Variants in LMBR1 observed in about 807,000 individuals in gnomAD.
LMBR1 encodes limb development membrane protein 1, also known as limb region 1 protein homolog.
Under a neutral mutation model 73.9 loss-of-function variants are expected in LMBR1, and 52 were observed. That is an observed-to-expected ratio of 0.70 (90% CI 0.56 to 0.89). The LOEUF is 0.89. LMBR1 is among the 40% of genes least tolerant of loss of function. The pLI is 0.00. For synonymous variants in LMBR1, 215 were observed against 209.4 expected (o/e 1.03, Z -0.23); for missense variants, 539 against 579.8 (o/e 0.93, Z 0.72).
At chr7:156,834,304 T>C (rs1170057007) in intron 2 of LMBR1, among the ~76,000 whole-genome samples, 1 of 152,168 alleles carries the variant, frequency 6.6e-6, no homozygotes, top group Non-Finnish European at 1.5e-5. Context: ...ATAATTATTG[T>C]TACAAACAGA....
intron 9 of LMBR1, among the ~76,000 whole-genome samples, chr7:156,745,356 C>A (rs1388568949): frequency 2.6e-5 from 4 of 152,128 alleles, no homozygotes; most frequent in Non-Finnish European, 4.4e-5. Context: ...TTCACTGAAC[C>A]TTAAACAACT....
intron 5 of LMBR1, among the ~76,000 whole-genome samples, chr7:156,781,978 A>G (rs1237796383): frequency 6.6e-6 from 1 of 152,222 alleles, no homozygotes; most frequent in Admixed American, 6.5e-5. Flanking sequence ...CCATTAAACA[A>G]TAACTTCCCC....
At chr7:156,871,562 G>A (rs1378525302) in intron 1 of LMBR1, among the ~76,000 whole-genome samples, 2 of 152,184 alleles carry the variant, frequency 1.3e-5, no homozygotes, top group Admixed American at 1.3e-4. Context: ...GTTGCTCACT[G>A]AATCCAACAG....
chr7:156,798,546 C>T (rs556579815), intron 4 of LMBR1, among the ~76,000 whole-genome samples: 11 of 152,206 alleles, frequency 7.2e-5, no homozygotes, highest in South Asian at 4.1e-4. Flanking sequence ...TGGATCAAAG[C>T]TGTACCTTCC....
chr7:156,867,953 G>T lies in LMBR1; in HGVS notation c.66+24975C>A, dbSNP rs924501783. On this transcript the variant is annotated intron_variant, in intron 1 of 16. Coordinates refer to ENST00000353442, the MANE Select transcript of LMBR1 (RefSeq NM_022458.4). The stretch of plus-strand genomic sequence containing the variant: ...TCAATAAAACTGTTTCAAAAAAAAA[G>T]AAAATAGTTGAGGCTGGGTGCCATG... Among the ~76,000 whole-genome samples, 5 of 152,162 alleles carry T rather than the reference G, an allele frequency of 3.3e-5. No homozygotes were observed. The South Asian group carries it at 1.0e-3, about 32-fold the overall frequency.
intron 7 of LMBR1, among the ~76,000 whole-genome samples, chr7:156,762,851 G>GTGTA (rs1823346644): frequency 7.0e-6 from 1 of 143,506 alleles, no homozygotes; most frequent in African/African-American, 2.8e-5. Flanking sequence ...GTGTGAGTGT[G>GTGTA]TGTGTGTGTG....
chr7:156,827,721 G>GA (rs1211123624), intron 3 of LMBR1, among the ~76,000 whole-genome samples: 3 of 150,376 alleles, frequency 2.0e-5, no homozygotes, highest in Non-Finnish European at 4.4e-5. Context: ...TTAAAAGCAG[G>GA]AAAAAAAAAT....
At chr7:156,891,259 C>CACACAT in intron 1 of LMBR1, among the ~76,000 whole-genome samples, 1 of 121,872 alleles carries the variant, frequency 8.2e-6, no homozygotes, top group African/African-American at 3.2e-5. Flanking sequence ...CACACACACA[C>CACACAT]ATATATACAT....
chr7:156,874,150 C>A (rs373352669), intron 1 of LMBR1, among the ~76,000 whole-genome samples: 1 of 152,246 alleles, frequency 6.6e-6, no homozygotes, highest in Non-Finnish European at 1.5e-5. Flanking sequence ...GCCCCACCCG[C>A]GGGAAGGCAG....
chr7:156,712,177 G>A (rs1258546882), intron 15 of LMBR1, among the ~76,000 whole-genome samples: 3 of 152,082 alleles, frequency 2.0e-5, no homozygotes, highest in Admixed American at 2.0e-4. Context: ...TCATTAAAAA[G>A]TGAGCAAAGG....
intron 3 of LMBR1, among the ~76,000 whole-genome samples, chr7:156,827,565 G>A (rs1835913403): frequency 6.6e-6 from 1 of 151,730 alleles, no homozygotes; most frequent in Non-Finnish European, 1.5e-5. Flanking sequence ...TTTTCTACAA[G>A]AAACACCTAA....
At chr7:156,760,336 C>T (rs940316377) in intron 8 of LMBR1, among the ~76,000 whole-genome samples, 5 of 152,114 alleles carry the variant, frequency 3.3e-5, no homozygotes, top group African/African-American at 9.7e-5. Flanking sequence ...GTTTTATATA[C>T]GTTGAGTTTT....
intron 1 of LMBR1, among the ~76,000 whole-genome samples, chr7:156,879,741 C>T (rs1490292295): frequency 6.6e-6 from 1 of 151,602 alleles, no homozygotes; most frequent in Non-Finnish European, 1.5e-5. Flanking sequence ...GCCAACAAAC[C>T]TATGAAAAAA....
chr7:156,811,830 A>G (rs1833146331), intron 4 of LMBR1, among the ~76,000 whole-genome samples: 1 of 152,206 alleles, frequency 6.6e-6, no homozygotes, highest in Non-Finnish European at 1.5e-5. Flanking sequence ...TCCAGGGACT[A>G]GAAGTCTGAA....
Position 156,762,211 on chromosome 7 carries a change from G to C in LMBR1, c.620-13C>G, listed in dbSNP as rs1397820671. The C allele has an allele frequency of 1.9e-6, 3 of 1,588,424 alleles. No homozygotes were observed. Among genetic ancestry groups the C allele is most frequent in the Non-Finnish European group, 2.6e-6 (3 of 1,159,444 alleles). On this transcript the variant is annotated splice_polypyrimidine_tract_variant and intron_variant, in intron 7 of 16. Transcript: ENST00000353442. ...ACTGGTGTACACACTGCAGAAATAA[G>C]ATCACCAAAAGACAGAAAGCGACAT...
chr7:156,836,601 T>A (rs190821606), intron 2 of LMBR1, among the ~76,000 whole-genome samples: 1 of 152,336 alleles, frequency 6.6e-6, no homozygotes, highest in African/African-American at 2.4e-5. Context: ...AGAATTGTGA[T>A]AAACAAGGAC....
chr7:156,729,286 T>C (rs2132435407), intron 10 of LMBR1, among the ~76,000 whole-genome samples: 1 of 152,178 alleles, frequency 6.6e-6, no homozygotes, highest in South Asian at 2.1e-4. Flanking sequence ...AGACATACAG[T>C]AGGCCTTCTA....
chr7:156,782,750 G>A (rs916082384), intron 5 of LMBR1, among the ~76,000 whole-genome samples: 1 of 152,104 alleles, frequency 6.6e-6, no homozygotes, highest in African/African-American at 2.4e-5. Flanking sequence ...TTGCCATATT[G>A]GCCGGGCTGG....
intron 4 of LMBR1, among the ~76,000 whole-genome samples, chr7:156,814,962 C>A (rs998648417): frequency 6.6e-6 from 1 of 151,888 alleles, no homozygotes; most frequent in African/African-American, 2.4e-5. Context: ...CTCGAGACCA[C>A]CCTGACCAAT....
Sources: allele counts gnomAD v4.1 joint callset (sites outside exome capture counted in the v4.1 genomes callset), GRCh38; gene constraint gnomAD v4.1.1; transcripts MANE v1.5; gene names NCBI Gene and HGNC (gene_info 2026-07-23, HGNC 2026-07-21).